ZNF430: variants seen among roughly 807,000 people sequenced by gnomAD.
ZNF430 encodes the protein zinc finger protein 430.
A neutral mutation model predicts 56.7 loss-of-function variants in ZNF430; 35 were observed. That is an observed-to-expected ratio of 0.62 (90% CI 0.47 to 0.82). The LOEUF (loss-of-function observed/expected upper bound fraction) is 0.82. ZNF430 is among the 40% of genes least tolerant of loss of function. ZNF430 has a pLI of 0.00. For missense variants in ZNF430, 574 were observed against 661.0 expected (o/e 0.87, Z 1.44); for synonymous variants, 212 against 224.3 (o/e 0.94, Z 0.49).
chr19:21,026,443 T>TC (rs1398104741), intron 2 of ZNF430, among the ~76,000 whole-genome samples: 4 of 152,168 alleles, frequency 2.6e-5, no homozygotes, highest in Non-Finnish European at 4.4e-5. Flanking sequence ...TGCCCCAGCC[T>TC]CCCAAAGTGC....
intron 2 of ZNF430, among the ~76,000 whole-genome samples, chr19:21,031,732 AAG>A (rs1191249379): frequency 2.6e-5 from 4 of 152,206 alleles, no homozygotes; most frequent in Admixed American, 1.3e-4. Flanking sequence ...CAGAGAAAGA[AAG>A]AGAAAAAATG....
At chr19:21,054,201 C>A (rs993203180) in intron 4 of ZNF430, among the ~76,000 whole-genome samples, 2 of 151,894 alleles carry the variant, frequency 1.3e-5, no homozygotes, top group Admixed American at 1.3e-4. Context: ...CTTAAAAATT[C>A]AATTTTTGTG....
intron 4 of ZNF430, among the ~76,000 whole-genome samples, chr19:21,055,257 A>G (rs1968354449): frequency 6.6e-6 from 1 of 152,052 alleles, no homozygotes; most frequent in Non-Finnish European, 1.5e-5. Flanking sequence ...TGAAATTTGT[A>G]CATTTAAAAA....
chr19:21,022,293 C>T (rs1967706992), intron 1 of ZNF430, among the ~76,000 whole-genome samples: 1 of 152,130 alleles, frequency 6.6e-6, no homozygotes, highest in Non-Finnish European at 1.5e-5. Flanking sequence ...CCCCCGTCCC[C>T]CATTTCTCCA....
At chr19:21,033,682 G>T (rs971266713) in intron 3 of ZNF430, 100 bp downstream of exon 3, 5 of 1,291,194 alleles carry the variant, frequency 3.9e-6, no homozygotes, top group Admixed American at 5.1e-5. Flanking sequence ...GCATAAATGA[G>T]TTTCTGATAC....
chr19:21,040,418 A>G (rs1968081964), intron 4 of ZNF430, among the ~76,000 whole-genome samples: 1 of 152,222 alleles, frequency 6.6e-6, no homozygotes, highest in Admixed American at 6.5e-5. Flanking sequence ...TTTTCACTAC[A>G]TTAATTCAAA....
In ZNF430 at chr19:21,020,734, G is replaced by A. The variant is rs1288196945; in HGVS notation, c.-67G>A. 4 of 1,600,324 alleles carry A rather than the reference G, an allele frequency of 2.5e-6. No homozygotes were observed. The highest frequency in any genetic ancestry group is 3.4e-6 in the Non-Finnish European group (4 of 1,168,268). ...CTGCTCCTAGAGGTCCAGGCTCTGT[G>A]GCCCTGTGACCCGCAGGTATTGGGA... On this transcript the variant is annotated 5_prime_UTR_variant, in exon 1 of 5. Coordinates refer to ENST00000261560, the MANE Select transcript of ZNF430 (RefSeq NM_025189.4).
chr19:21,045,570 G>A (rs768803378), intron 4 of ZNF430, among the ~76,000 whole-genome samples: 2 of 152,174 alleles, frequency 1.3e-5, no homozygotes, highest in Non-Finnish European at 1.5e-5. Context: ...GAGTTCTGTA[G>A]ATATCTATCA....
chr19:21,034,279 A>G (rs1967955124), intron 4 of ZNF430, 95 bp downstream of exon 4: 1 of 995,330 alleles, frequency 1.0e-6, no homozygotes, highest in African/African-American at 1.7e-5. Context: ...CTGTGTTCCA[A>G]AGCAAATATT....
At position 21,025,428 on chromosome 19, in the gene ZNF430, C is replaced by G. The variant is rs112354883; in HGVS notation, c.96+2547C>G. Among the ~76,000 whole-genome samples the G allele has an allele frequency of 1.0e-3, 153 of 152,198 alleles. 1 individual carries two copies. Among genetic ancestry groups the G allele is most frequent in the African/African-American group, 3.2e-3 (131 of 41,526 alleles). ...TCTTTACTGCAACCTGTTTTATCAC[C>G]CAGATCTTTATAACCTGTATCTTGT... On this transcript the variant is annotated intron_variant, in intron 2 of 4. Coordinates refer to ENST00000261560, the MANE Select transcript of ZNF430 (RefSeq NM_025189.4).
At position 21,057,902 on chromosome 19, in the gene ZNF430, A is replaced by G. The variant is rs768672945; in HGVS notation, c.1594A>G (p.Lys532Glu). 5.0e-6 allele frequency: 8 copies of G among 1,613,832 alleles called. No individual in the cohort carries two copies. In the Admixed American group the frequency reaches 1.2e-4, roughly 24 times the overall value. The change falls in exon 5 of 5, where the codon AAG becomes GAG. Residue 532 changes from lysine (K) to glutamate (E), a missense_variant. Physicochemically the swap from Lys to Glu is moderately conservative, Grantham distance 56 (BLOSUM62 1). Around this residue, in one of 3 missense-constraint regions of ZNF430, gnomAD observed 213 missense variants for 221.0 expected, o/e 0.96. Coordinates refer to ENST00000261560, the MANE Select transcript of ZNF430 (RefSeq NM_025189.4). ...CCAGTCTTCAACTCTTACTAAACAT[A>G]AGGTAATTCATACTGGAGAGAAACC... ...FSQSSTLTKH[K>E]VIHTGEKPYN...
chr19:21,051,011 G>A (rs369493354), intron 4 of ZNF430, among the ~76,000 whole-genome samples: 15 of 152,122 alleles, frequency 9.9e-5, no homozygotes, highest in East Asian at 7.8e-4. Flanking sequence ...CTGGGCAACA[G>A]AGCAAGATTC....
intron 4 of ZNF430, among the ~76,000 whole-genome samples, chr19:21,046,317 C>CAAAAAA (rs60881206): frequency 9.1e-6 from 1 of 110,124 alleles, no homozygotes; most frequent in Non-Finnish European, 1.8e-5. Context: ...GACTCCATCT[C>CAAAAAA]AAAAAAAAAA....
intron 2 of ZNF430, chr19:21,025,927 G>A: frequency 2.3e-6 from 1 of 426,428 alleles, no homozygotes; most frequent in Non-Finnish European, 4.4e-6. Flanking sequence ...AATACAGACT[G>A]AAGTTTCTGT....
chr19:21,041,765 G>C (rs1405440016), intron 4 of ZNF430, among the ~76,000 whole-genome samples: 1 of 152,116 alleles, frequency 6.6e-6, no homozygotes, highest in Non-Finnish European at 1.5e-5. Flanking sequence ...CCAGGCTGGA[G>C]TGCTGTGGCA....
At chr19:21,031,260 T>G (rs556127015) in intron 2 of ZNF430, among the ~76,000 whole-genome samples, 1 of 150,870 alleles carries the variant, frequency 6.6e-6, no homozygotes, top group Admixed American at 6.6e-5. Flanking sequence ...TCGTTTATTG[T>G]TCTGGGTGGA....
intron 2 of ZNF430, among the ~76,000 whole-genome samples, chr19:21,028,867 A>G (rs2081050): frequency 0.81 from 123,111 of 151,746 alleles, 52,172 homozygotes; most frequent in Middle Eastern, 0.93. Context: ...TGCATTTTTA[A>G]TAAAGACAGG....
chr19:21,037,351 C>T (rs918440603), intron 4 of ZNF430, among the ~76,000 whole-genome samples: 5 of 152,102 alleles, frequency 3.3e-5, no homozygotes, highest in African/African-American at 1.2e-4. Context: ...CTCCTGACCT[C>T]AGGTGATCTG....
In ZNF430 at chr19:21,056,816, A is replaced by G; in HGVS notation, c.508A>G (p.Thr170Ala). 1 of 1,613,904 alleles carries G rather than the reference A, an allele frequency of 6.2e-7. No homozygotes were observed. Among genetic ancestry groups the G allele is most frequent in the Non-Finnish European group, 8.5e-7 (1 of 1,179,932 alleles). The change falls in exon 5 of 5, where the codon ACA (threonine) becomes GCA (alanine). Residue 170 changes from threonine (T) to alanine (A), a missense_variant. Coordinates refer to ENST00000261560, the MANE Select transcript of ZNF430 (RefSeq NM_025189.4). ...TTATGATGAACTAAACCAGTGTTTG[A>G]CAACTACCCAGAGTGAAATATTTCA... is the stretch of plus-strand genomic sequence containing the variant. Reference protein sequence around the residue: ...ECYDELNQCLTTTQSEIFQYD... With the variant: ...ECYDELNQCLATTQSEIFQYD...
Sources: gnomAD v4.1 joint callset for allele counts (sites outside exome capture counted in the v4.1 genomes callset) on GRCh38, gnomAD v4.1.1 for gene constraint, gnomAD v4.1.1 regional missense constraint, MANE v1.5 for transcripts, NCBI Gene and HGNC (gene_info 2026-07-23, HGNC 2026-07-21) for gene names.